Variants in ZNF493 observed in about 807,000 individuals in gnomAD.
ZNF493 encodes zinc finger protein 493.
A neutral mutation model predicts 12.2 loss-of-function variants in ZNF493; 11 were observed. The observed-to-expected ratio is 0.90, with a 90% CI of 0.57 to 1.50. The LOEUF (loss-of-function observed/expected upper bound fraction) is 1.50, where lower values mean the gene tolerates loss of function less well. ZNF493 is among the 40% of genes most tolerant of loss of function. ZNF493 has a pLI of 0.00. For missense variants in ZNF493, 950 were observed against 906.6 expected, an observed-to-expected ratio of 1.05 and a Z score of -0.61; for synonymous variants, 286 against 302.6, an observed-to-expected ratio of 0.95 and a Z score of 0.57.
chr19:21,405,489 A>G, intron 2 of ZNF493: 2 of 1,341,618 alleles, frequency 1.5e-6, no homozygotes, highest in Non-Finnish European at 1.9e-6. Context: ...CAGTAGTGGT[A>G]ATTTCAGAAA....
intron 1 of ZNF493, among the ~76,000 whole-genome samples, chr19:21,401,882 G>A (rs1254554413): frequency 2.0e-5 from 3 of 151,900 alleles, no homozygotes; most frequent in African/African-American, 7.3e-5. Context: ...CACTCGCCTC[G>A]GCCTCCCAAA....
At chr19:21,420,169 C>G (rs2030613182) in intron 3 of ZNF493, among the ~76,000 whole-genome samples, 1 of 152,148 alleles carries the variant, frequency 6.6e-6, no homozygotes, top group Non-Finnish European at 1.5e-5. Flanking sequence ...TGATTATAAT[C>G]TCTTCTGCCT....
intron 3 of ZNF493, among the ~76,000 whole-genome samples, chr19:21,421,769 A>T (rs2030685335): frequency 6.6e-6 from 1 of 152,170 alleles, no homozygotes; most frequent in Admixed American, 6.5e-5. Flanking sequence ...TGAGTTAGAG[A>T]TTCTGAGAGT....
intron 1 of ZNF493, among the ~76,000 whole-genome samples, chr19:21,403,115 G>A (rs1292102494): frequency 6.6e-6 from 1 of 152,224 alleles, no homozygotes; most frequent in Non-Finnish European, 1.5e-5. Context: ...ATTGTGTCGG[G>A]ATTACATGGC....
chr19:21,427,266 A>G lies in ZNF493; in HGVS notation c.*2282A>G. 1 of 166,974 alleles carries G rather than the reference A, an allele frequency of 6.0e-6. No individual in the cohort carries two copies. 10.3% of individuals were successfully genotyped at this position (166,974 alleles called of 1,614,324 possible). On this transcript the variant is annotated 3_prime_UTR_variant, in exon 4 of 4. Transcript: ENST00000392288. ...TCTTTTGCATTATGAGAAAACTAGT[A>G]TATTATTCATATATTTTACTAATTG...
chr19:21,399,262 G>A (rs567495523), intron 1 of ZNF493, among the ~76,000 whole-genome samples: 9 of 152,036 alleles, frequency 5.9e-5, no homozygotes, highest in South Asian at 4.1e-4. Context: ...CCGGGTTCCC[G>A]CCATTCTCCT....
At chr19:21,414,305 T>A (rs1392296675) in intron 3 of ZNF493, 1 of 152,234 alleles carries the variant, frequency 6.6e-6, no homozygotes, top group Non-Finnish European at 1.5e-5. Flanking sequence ...CTGTAAAAGA[T>A]GAGGAATGTA....
chr19:21,418,101 C>T (rs1253951043), intron 3 of ZNF493, among the ~76,000 whole-genome samples: 1 of 152,142 alleles, frequency 6.6e-6, no homozygotes, highest in African/African-American at 2.4e-5. Flanking sequence ...AGCAGTTGCT[C>T]GAGGCACTGC....
chr19:21,423,174 A>G lies in ZNF493; in HGVS notation c.515A>G (p.His172Arg), dbSNP rs151023708. 407 of 1,613,790 alleles carry G rather than the reference A, an allele frequency of 2.5e-4. 3 individuals carry two copies. In the Middle Eastern group the frequency reaches 7.1e-3, roughly 28 times the overall value. Residue 172 changes from histidine (H) to arginine (R), a missense_variant, in exon 4 of 4, where the codon CAT (histidine) becomes CGT (arginine). Physicochemically the swap from His to Arg is conservative, Grantham distance 29. Transcript: ENST00000392288. The part of the protein sequence containing the change: ...VFHKLLNSNR[H>R]NTKHTGKKPF... ...CATAAACTTTTAAATTCAAATAGAC[A>G]TAACACAAAACATACTGGAAAGAAA...
Position 21,418,319 on chromosome 19 carries a change from C to T in ZNF493, c.254-4594C>T, listed in dbSNP as rs140631016. Among the ~76,000 whole-genome samples the T allele has an allele frequency of 8.3e-3, 1,266 of 152,310 alleles. 12 individuals are homozygous for T. Among genetic ancestry groups the T allele is most frequent in the Non-Finnish European group, 0.014 (944 of 68,018 alleles). On this transcript the variant is annotated intron_variant, in intron 3 of 3. Transcript: ENST00000392288. ...CTGTTACTTCATTACACTCTCCTTCCTCCTCATTATCAGTGTGAAAAAGTT... is the reference window on the plus strand; with the variant it reads ...CTGTTACTTCATTACACTCTCCTTCTTCCTCATTATCAGTGTGAAAAAGTT...
At chr19:21,420,653 T>C (rs2030647471) in intron 3 of ZNF493, among the ~76,000 whole-genome samples, 1 of 115,512 alleles carries the variant, frequency 8.7e-6, no homozygotes, top group Non-Finnish European at 1.8e-5. Context: ...TTTTTTTTTT[T>C]TTCAGAACTT....
intron 1 of ZNF493, among the ~76,000 whole-genome samples, chr19:21,404,823 T>G (rs2030060471): frequency 6.6e-6 from 1 of 152,130 alleles, no homozygotes; most frequent in Non-Finnish European, 1.5e-5. Context: ...CACAACTCAT[T>G]CTTTGTGTGG....
At chr19:21,419,969 T>C (rs1395815683) in intron 3 of ZNF493, among the ~76,000 whole-genome samples, 2 of 152,120 alleles carry the variant, frequency 1.3e-5, no homozygotes, top group East Asian at 1.9e-4. Flanking sequence ...CCACTAAAAA[T>C]TGACACGGCC....
At chr19:21,397,512 G>A in intron 1 of ZNF493, 1 of 607,236 alleles carries the variant, frequency 1.6e-6, no homozygotes, top group South Asian at 2.0e-5. Flanking sequence ...GTCCTCTCTG[G>A]CAGTTCTGCA....
Position 21,405,192 on chromosome 19 carries a change from A to G in ZNF493, c.94A>G (p.Thr32Ala), listed in dbSNP as rs1333760332. The change falls in exon 2 of 4, where the codon ACT becomes GCT. Residue 32 changes from threonine (T) to alanine (A), a missense_variant. Thr to Ala is a moderately conservative substitution (Grantham distance 58). Coordinates refer to ENST00000392288, the MANE Select transcript of ZNF493 (RefSeq NM_001076678.3). ...TCTGGAGGAGTGGCAATGCCTGGAC[A>G]CTGCTCAGCAGGATTTGTATAGGAA... ...FSLEEWQCLD[T>A]AQQDLYRKVM... 1 of 1,614,116 alleles carries G rather than the reference A, an allele frequency of 6.2e-7. No homozygotes were observed. Among genetic ancestry groups the G allele is most frequent in the East Asian group, 2.2e-5 (1 of 44,868 alleles).
chr19:21,419,409 C>G (rs1007524848), intron 3 of ZNF493, among the ~76,000 whole-genome samples: 2 of 152,094 alleles, frequency 1.3e-5, no homozygotes, highest in Non-Finnish European at 1.5e-5. Context: ...AGTTTTAACT[C>G]ACATGATCAC....
At chr19:21,411,958 A>G (rs1378174697) in intron 3 of ZNF493, 1 of 152,048 alleles carries the variant, frequency 6.6e-6, no homozygotes, top group Non-Finnish European at 1.5e-5. Flanking sequence ...TTTGAACAGG[A>G]GCATGCTGAA....
chr19:21,415,606 C>G (rs959873010), intron 3 of ZNF493, among the ~76,000 whole-genome samples: 1 of 152,128 alleles, frequency 6.6e-6, no homozygotes, highest in Non-Finnish European at 1.5e-5. Context: ...GGCGGCAGCA[C>G]AAAGTATATC....
intron 1 of ZNF493, among the ~76,000 whole-genome samples, chr19:21,399,303 G>A (rs1974223496): frequency 6.6e-6 from 1 of 152,110 alleles, no homozygotes; most frequent in Admixed American, 6.6e-5. Flanking sequence ...TGGGACTACA[G>A]GTGCCTGACA....
Sources: gnomAD v4.1 joint callset for allele counts (sites outside exome capture counted in the v4.1 genomes callset) on GRCh38, gnomAD v4.1.1 for gene constraint, MANE v1.5 for transcripts, NCBI Gene and HGNC (gene_info 2026-07-23, HGNC 2026-07-21) for gene names.